CCNY: variants seen among roughly 807,000 people sequenced by gnomAD.
CCNY encodes the protein cyclin Y.
A neutral mutation model predicts 42.8 loss-of-function variants in CCNY; 19 were observed. The observed-to-expected ratio is 0.44, with a 90% CI of 0.31 to 0.65. The LOEUF (loss-of-function observed/expected upper bound fraction) is 0.65, where lower values mean the gene tolerates loss of function less well. Ranked by LOEUF, CCNY falls within the 30% of genes least tolerant of loss-of-function variation. CCNY has a pLI of 0.07. For synonymous variants in CCNY, 165 were observed against 162.7 expected (o/e 1.01, Z -0.11); for missense variants, 370 against 437.3 (o/e 0.85, Z 1.37).
At chr10:35,519,166 A>G (rs1840492231) in intron 4 of CCNY, among the ~76,000 whole-genome samples, 1 of 151,398 alleles carries the variant, frequency 6.6e-6, no homozygotes, top group Non-Finnish European at 1.5e-5. Flanking sequence ...TACTGTGAGT[A>G]TCTGGATTTT....
upstream of CCNY, chr10:35,335,915 CA>C (rs1315846226): frequency 2.2e-3 from 336 of 152,960 alleles, 3 homozygotes; most frequent in Non-Finnish European, 2.2e-3. Context: ...CACACACACA[CA>C]CACACACACA....
At chr10:35,501,401 G>A in intron 2 of CCNY, 100 bp from the exon 3 acceptor site, 1 of 937,054 alleles carries the variant, frequency 1.1e-6, no homozygotes, top group Non-Finnish European at 1.8e-6. Context: ...GTTGGTTGGT[G>A]GAAGGACGGG....
At chr10:35,288,385 A>G (rs1041367938) in intron 3 of CCNY, among the ~76,000 whole-genome samples, 1 of 152,090 alleles carries the variant, frequency 6.6e-6, no homozygotes. Flanking sequence ...ATTGTTATCA[A>G]AATTTTTCTA....
chr10:35,392,161 C>G (rs147994573), intron 1 of CCNY, among the ~76,000 whole-genome samples: 1 of 151,942 alleles, frequency 6.6e-6, no homozygotes, highest in Non-Finnish European at 1.5e-5. Context: ...TTTCCTGCTG[C>G]GTATAGTGGG....
chr10:35,436,684 G>A (rs1838541252), intron 1 of CCNY, among the ~76,000 whole-genome samples: 1 of 152,190 alleles, frequency 6.6e-6, no homozygotes, highest in Admixed American at 6.5e-5. Context: ...AGAACTGGTG[G>A]TGGCTTTGAC....
chr10:35,292,786 T>TTG (rs950911123), intron 3 of CCNY, among the ~76,000 whole-genome samples: 14 of 146,944 alleles, frequency 9.5e-5, no homozygotes, highest in Non-Finnish European at 2.1e-4. Context: ...TTTTTGTTTT[T>TTG]TTTTTTTTTT....
chr10:35,292,776 T>C (rs1409930108), intron 3 of CCNY, among the ~76,000 whole-genome samples: 1 of 149,824 alleles, frequency 6.7e-6, no homozygotes, highest in East Asian at 1.9e-4. Flanking sequence ...GAGTGCTTTG[T>C]TTTTGTTTTT....
chr10:35,408,506 C>T (rs371668887), intron 1 of CCNY, among the ~76,000 whole-genome samples: 16 of 132,182 alleles, frequency 1.2e-4, no homozygotes, highest in African/African-American at 3.3e-4. Context: ...TTCTCAAGGG[C>T]GGGGAGAATT....
intron 3 of CCNY, among the ~76,000 whole-genome samples, chr10:35,267,479 C>G (rs2095726716): frequency 6.6e-6 from 1 of 152,132 alleles, no homozygotes; most frequent in Non-Finnish European, 1.5e-5. Flanking sequence ...GCTAAAGAGC[C>G]CAGCGTGGAG....
At chr10:35,410,410 T>C (rs1837878315) in intron 1 of CCNY, among the ~76,000 whole-genome samples, 1 of 152,154 alleles carries the variant, frequency 6.6e-6, no homozygotes. Flanking sequence ...TTAAAAATTA[T>C]GATGAACCAG....
intron 1 of CCNY, among the ~76,000 whole-genome samples, chr10:35,405,609 C>T (rs1488263264): frequency 6.6e-6 from 1 of 152,136 alleles, no homozygotes; most frequent in Non-Finnish European, 1.5e-5. Context: ...ATACCCACAA[C>T]AGTTATGGAG....
At chr10:35,279,390 A>T (rs1835274647) in intron 3 of CCNY, among the ~76,000 whole-genome samples, 1 of 152,188 alleles carries the variant, frequency 6.6e-6, no homozygotes. Flanking sequence ...CTGGGATTAC[A>T]GGCATAAGCC....
intron 7 of CCNY, among the ~76,000 whole-genome samples, chr10:35,541,536 T>C (rs528299157): frequency 2.0e-5 from 3 of 152,326 alleles, no homozygotes; most frequent in African/African-American, 7.2e-5. Flanking sequence ...TAACTGGAAC[T>C]ACAGCTGTGC....
chr10:35,297,329 A>C (rs1564361414), intron 3 of CCNY, among the ~76,000 whole-genome samples: 1 of 152,182 alleles, frequency 6.6e-6, no homozygotes, highest in East Asian at 1.9e-4. Context: ...AACTCTCAAT[A>C]AACAAGGCAT....
At chr10:35,556,587 G>A (rs1841366553) in intron 8 of CCNY, among the ~76,000 whole-genome samples, 1 of 152,172 alleles carries the variant, frequency 6.6e-6, no homozygotes, top group South Asian at 2.1e-4. Flanking sequence ...ATTTGGGGAG[G>A]AATAGACACG....
At chr10:35,411,227 G>C (rs1254367157) in intron 1 of CCNY, among the ~76,000 whole-genome samples, 1 of 152,048 alleles carries the variant, frequency 6.6e-6, no homozygotes, top group Non-Finnish European at 1.5e-5. Context: ...ATTTAGCAGC[G>C]ATAGGCCGGG....
chr10:35,421,752 A>G (rs186658454), intron 1 of CCNY, among the ~76,000 whole-genome samples: 44 of 151,924 alleles, frequency 2.9e-4, no homozygotes, highest in Admixed American at 1.5e-3. Context: ...GTTTTCACTT[A>G]CTTTCCTGTT....
intron 7 of CCNY, among the ~76,000 whole-genome samples, chr10:35,551,530 GT>G (rs539186016): frequency 1.3e-5 from 2 of 149,356 alleles, no homozygotes; most frequent in African/African-American, 4.9e-5. Flanking sequence ...GTTTAATTTT[GT>G]TTTTTTTTCT....
intron 3 of CCNY, among the ~76,000 whole-genome samples, chr10:35,323,937 T>C (rs1462348770): frequency 6.6e-6 from 1 of 151,876 alleles, no homozygotes; most frequent in Non-Finnish European, 1.5e-5. Context: ...GGAGAATCGC[T>C]TGAACCTAGG....
Sources: gnomAD v4.1 joint callset for allele counts (sites outside exome capture counted in the v4.1 genomes callset) on GRCh38, gnomAD v4.1.1 for gene constraint, MANE v1.5 for transcripts, NCBI Gene and HGNC (gene_info 2026-07-23, HGNC 2026-07-21) for gene names.